The following TENM2 variants were observed in gnomAD, a reference collection of about 807,000 sequenced individuals.
The protein encoded by TENM2 is teneurin transmembrane protein 2.
A neutral mutation model predicts 245.2 loss-of-function variants in TENM2; 52 were observed. The ratio of observed to expected loss-of-function variants is 0.21; its 90% confidence interval spans 0.17 to 0.27. TENM2 has a LOEUF of 0.27. Among genes scored for constraint, TENM2 ranks in the 10% least tolerant of loss-of-function variants. The pLI, the probability that TENM2 is intolerant of heterozygous loss-of-function variation, is 1.00. For synonymous variants in TENM2, 1,363 were observed against 1,438.9 expected, an observed-to-expected ratio of 0.95 and a Z score of 1.19; for missense variants, 3,046 against 3,666.8, an observed-to-expected ratio of 0.83 and a Z score of 4.37.
At chr5:168,209,011 C>T (rs1310353161) in intron 19 of TENM2, among the ~76,000 whole-genome samples, 1 of 152,110 alleles carries the variant, frequency 6.6e-6, no homozygotes, top group Non-Finnish European at 1.5e-5. Flanking sequence ...TTTTTCTATA[C>T]TTTTTGGCTG....
the TENM2 span, among the ~76,000 whole-genome samples, chr5:167,196,092 C>T: frequency 6.6e-6 from 1 of 151,976 alleles, no homozygotes; most frequent in Non-Finnish European, 1.5e-5. Flanking sequence ...CTGGATGGTG[C>T]AGCCCACTAC....
intron 3 of TENM2, among the ~76,000 whole-genome samples, chr5:167,927,124 G>A (rs1583391931): frequency 6.6e-6 from 1 of 151,856 alleles, no homozygotes; most frequent in East Asian, 1.9e-4. Context: ...AAGTCTTATG[G>A]GAGAGAGAGA....
At chr5:167,548,806 T>C (rs187718019) in intron 2 of TENM2, among the ~76,000 whole-genome samples, 19 of 152,286 alleles carry the variant, frequency 1.2e-4, no homozygotes, top group Admixed American at 2.6e-4. Flanking sequence ...AATGTATTTT[T>C]CAGTTGTTGG....
chr5:167,789,045 GAGA>G (rs1764770497), intron 2 of TENM2, among the ~76,000 whole-genome samples: 1 of 152,150 alleles, frequency 6.6e-6, no homozygotes, highest in African/African-American at 2.4e-5. Flanking sequence ...CGGGCATCTT[GAGA>G]AGAACCACTG....
intron 3 of TENM2, among the ~76,000 whole-genome samples, chr5:167,945,738 A>T (rs1044942213): frequency 1.3e-5 from 2 of 152,154 alleles, no homozygotes; most frequent in African/African-American, 4.8e-5. Flanking sequence ...TAAGAAAGAG[A>T]GCTATAAATC....
At chr5:167,420,300 A>C (rs192901810) in intron 2 of TENM2, among the ~76,000 whole-genome samples, 1 of 152,346 alleles carries the variant, frequency 6.6e-6, no homozygotes, top group Non-Finnish European at 1.5e-5. Context: ...ATGATGTCAA[A>C]TTATTCAAGC....
At chr5:167,460,647 A>G (rs990200044) in intron 2 of TENM2, among the ~76,000 whole-genome samples, 1 of 151,506 alleles carries the variant, frequency 6.6e-6, no homozygotes, top group East Asian at 1.9e-4. Context: ...ACAGACAACC[A>G]CAGTTCATTG....
At chr5:167,269,536 T>TACACAC in the TENM2 span, among the ~76,000 whole-genome samples, 14,810 of 150,664 alleles carry the variant, frequency 0.098, 945 homozygotes, top group Non-Finnish European at 0.13. Context: ...AAATAGTGAC[T>TACACAC]ACACACACAC....
rs34203413 is a variant in TENM2, at chr5:168,165,648, A to ACCCCCCCCCCCCCC, written c.2569+2894_2569+2907dup. ...GGCACAATTCAGGATCCCCCCCCCAACCCCCCCCCCCCCCCCGGCTGGCAG... is the reference window on the plus strand; with the variant it reads ...GGCACAATTCAGGATCCCCCCCCCAACCCCCCCCCCCCCCCCCCCCCCCCCCCCCCGGCTGGCAG... On this transcript the variant is annotated intron_variant, in intron 13 of 28. Transcript: ENST00000518659. 8.7e-4 allele frequency among the ~76,000 whole-genome samples: 27 copies of ACCCCCCCCCCCCCC among 30,940 alleles called. 3 individuals carry two copies. Among genetic ancestry groups the ACCCCCCCCCCCCCC allele is most frequent in the Admixed American group, 2.4e-3 (4 of 1,702 alleles). The allele number at this position is 30,940 out of a possible 152,430, so 20.3% of individuals were successfully genotyped here. A position where few individuals can be genotyped will look rare whatever the true frequency, so the allele number is the denominator to read the frequency against.
chr5:167,196,815 A>T, the TENM2 span, among the ~76,000 whole-genome samples: 1 of 151,882 alleles, frequency 6.6e-6, no homozygotes, highest in Non-Finnish European at 1.5e-5. Context: ...ATACTAGAGG[A>T]TGCGTGTAGG....
chr5:167,631,931 T>C (rs1165826261), intron 2 of TENM2, among the ~76,000 whole-genome samples: 1 of 152,138 alleles, frequency 6.6e-6, no homozygotes, highest in African/African-American at 2.4e-5. Context: ...CACTGTGAGG[T>C]CAGGAATTGG....
intron 6 of TENM2, among the ~76,000 whole-genome samples, chr5:168,054,165 T>C (rs1789345919): frequency 6.6e-6 from 1 of 152,214 alleles, no homozygotes; most frequent in Non-Finnish European, 1.5e-5. Flanking sequence ...AAAAGCCACA[T>C]GTAGTCCCAA....
At chr5:168,173,266 G>A (rs1378280194) in intron 13 of TENM2, among the ~76,000 whole-genome samples, 1 of 152,168 alleles carries the variant, frequency 6.6e-6, no homozygotes, top group Non-Finnish European at 1.5e-5. Flanking sequence ...CTTACTCAAG[G>A]CCAAGGAGCA....
intron 6 of TENM2, among the ~76,000 whole-genome samples, chr5:168,057,337 T>C (rs1007652606): frequency 7.2e-6 from 1 of 138,790 alleles, no homozygotes; most frequent in African/African-American, 2.6e-5. Context: ...ACACACTCAC[T>C]CACACTCACA....
intron 3 of TENM2, among the ~76,000 whole-genome samples, chr5:167,923,878 C>G (rs1033802999): frequency 1.3e-5 from 2 of 152,058 alleles, no homozygotes; most frequent in Admixed American, 6.6e-5. Flanking sequence ...GTCAAATGTT[C>G]TCAGGGTGCA....
chr5:167,867,320 A>G (rs753056433), intron 2 of TENM2, among the ~76,000 whole-genome samples: 46 of 152,188 alleles, frequency 3.0e-4, no homozygotes, highest in Non-Finnish European at 4.9e-4. Flanking sequence ...CTGAAGTGCA[A>G]TGCTGCCAGG....
At chr5:167,506,331 T>C (rs1283970227) in intron 2 of TENM2, among the ~76,000 whole-genome samples, 1 of 152,180 alleles carries the variant, frequency 6.6e-6, no homozygotes, top group African/African-American at 2.4e-5. Flanking sequence ...ACTCTTTCTA[T>C]ATGCAAACAC....
intron 2 of TENM2, among the ~76,000 whole-genome samples, chr5:167,651,362 G>T (rs1008105683): frequency 4.0e-5 from 6 of 151,808 alleles, no homozygotes; most frequent in African/African-American, 7.3e-5. Context: ...ATGGAAATTA[G>T]TGTGCAAGGT....
At chr5:167,458,793 GATGAGA>G (rs1206731386) in intron 2 of TENM2, among the ~76,000 whole-genome samples, 1 of 152,104 alleles carries the variant, frequency 6.6e-6, no homozygotes, top group African/African-American at 2.4e-5. Flanking sequence ...TCGATTCACT[GATGAGA>G]AAAAGAAGTC....
Sources: allele counts gnomAD v4.1 joint callset (sites outside exome capture counted in the v4.1 genomes callset), GRCh38; gene constraint gnomAD v4.1.1; transcripts MANE v1.5; gene names NCBI Gene and HGNC (gene_info 2026-07-23, HGNC 2026-07-21).